Variants in OR2G6 observed in about 807,000 individuals in gnomAD.
OR2G6 encodes olfactory receptor family 2 subfamily G member 6.
For missense variants in OR2G6, 457 were observed against 391.3 expected (o/e 1.17, Z -1.42); for synonymous variants, 183 against 155.2 (o/e 1.18, Z -1.33).
intron 1 of OR2G6, among the ~76,000 whole-genome samples, chr1:248,508,926 T>A (rs1210886829): frequency 2.3e-5 from 3 of 130,184 alleles, no homozygotes; most frequent in African/African-American, 9.7e-5. Context: ...GAAGACTGAC[T>A]TTTTTTTCCA....
In OR2G6 at chr1:248,521,694, A is replaced by AT. The variant is rs750752528; in HGVS notation, c.52dup (p.Ser18PhefsTer70). ...CTGAAAAGGGATTTCTTCTCCTGGG[A>AT]TTTTCAGATCAGCCTCAGCTAGAGA... is the stretch of plus-strand genomic sequence containing the variant. On this transcript the variant is annotated frameshift_variant, in exon 2 of 2. Coordinates refer to ENST00000641804, the MANE Select transcript of OR2G6 (RefSeq NM_001013355.2). LOFTEE classifies it low-confidence loss of function (END_TRUNC). 6.2e-7 allele frequency: 1 copy of AT among 1,614,018 alleles called. No individual in the cohort carries two copies. The highest frequency in any genetic ancestry group is 1.1e-5 in the South Asian group (1 of 91,032).
chr1:248,519,816 C>T (rs1184654064), intron 1 of OR2G6, among the ~76,000 whole-genome samples: 1 of 151,934 alleles, frequency 6.6e-6, no homozygotes. Context: ...GCTATATGGC[C>T]TTTTTTTGGT....
Position 248,523,083 on chromosome 1 carries a change from CATA to C in OR2G6, c.*490_*492del, listed in dbSNP as rs1193038174. On this transcript the variant is annotated 3_prime_UTR_variant, in exon 2 of 2. Coordinates refer to ENST00000641804, the MANE Select transcript of OR2G6 (RefSeq NM_001013355.2). ...CATCCTTGTGCAGAATTAACTGTTT[CATA>C]ATATGTTTCCATAGCACTTGATCCA... is the stretch of plus-strand genomic sequence containing the variant. The C allele has an allele frequency of 1.9e-5, 3 of 156,334 alleles. No individual in the cohort carries two copies. Among genetic ancestry groups the C allele is most frequent in the Admixed American group, 6.2e-5 (1 of 16,150 alleles). 9.7% of individuals were successfully genotyped at this position (156,334 alleles called of 1,614,324 possible).
chr1:248,526,041 A>G lies in OR2G6; in HGVS notation c.*3444A>G, dbSNP rs891328162. ...TCAAAAAAAAAAGAAAAAAATGTAT[A>G]TGTTATCACTTTGGTCTCATTTGAG... On this transcript the variant is annotated 3_prime_UTR_variant, in exon 2 of 2. Coordinates refer to ENST00000641804, the MANE Select transcript of OR2G6 (RefSeq NM_001013355.2). The G allele has an allele frequency of 6.6e-6, 1 of 152,052 alleles. No homozygotes were observed. Among genetic ancestry groups the G allele is most frequent in the Non-Finnish European group, 1.5e-5 (1 of 68,012 alleles). The allele number at this position is 152,052 out of a possible 1,614,324, so 9.4% of individuals were successfully genotyped here.
chr1:248,525,021 T>G lies in OR2G6; in HGVS notation c.*2424T>G, dbSNP rs1238870200. ...TCCTATGATATGGATATGTTTATAC[T>G]GCTTTTATAATCATCATACATGTAT... On this transcript the variant is annotated 3_prime_UTR_variant, in exon 2 of 2. Transcript: ENST00000641804. 6.6e-6 allele frequency: 1 copy of G among 152,178 alleles called. No individual in the cohort carries two copies. The highest frequency in any genetic ancestry group is 2.4e-5 in the African/African-American group (1 of 41,438). 9.4% of individuals were successfully genotyped at this position (152,178 alleles called of 1,614,324 possible). A position where few individuals can be genotyped will look rare whatever the true frequency, so the allele number is the denominator to read the frequency against.
In OR2G6 at chr1:248,519,987, T is replaced by C. The variant is rs187319168; in HGVS notation, c.-36-1624T>C. Among the ~76,000 whole-genome samples, 8 of 152,292 alleles carry C rather than the reference T, an allele frequency of 5.3e-5. No homozygotes were observed. In the East Asian group the frequency reaches 1.2e-3, roughly 22 times the overall value. On this transcript the variant is annotated intron_variant, in intron 1 of 1. Coordinates refer to ENST00000641804, the MANE Select transcript of OR2G6 (RefSeq NM_001013355.2). ...AAGTCACATGGACACATGTTTATTG[T>C]GGCACTATTCACAACAGCAAAGACT...
rs1664363051 is a variant in OR2G6 at position 248,524,912 on chromosome 1, C to T, written c.*2315C>T. 1 of 151,852 alleles carries T rather than the reference C, an allele frequency of 6.6e-6. No homozygotes were observed. Among genetic ancestry groups the T allele is most frequent in the South Asian group, 2.1e-4 (1 of 4,824 alleles). 9.4% of individuals were successfully genotyped at this position (151,852 alleles called of 1,614,324 possible). A position where few individuals can be genotyped will look rare whatever the true frequency, so the allele number is the denominator to read the frequency against. On this transcript the variant is annotated 3_prime_UTR_variant, in exon 2 of 2. Transcript: ENST00000641804. ...ATAGATATAACATAGGCAAAGCAAC[C>T]TAAAAAAACTACTTAACTGCAGATG...
At chr1:248,520,408 A>T (rs2103059939) in intron 1 of OR2G6, among the ~76,000 whole-genome samples, 1 of 151,970 alleles carries the variant, frequency 6.6e-6, no homozygotes, top group East Asian at 1.9e-4. Context: ...TGTACCCTAG[A>T]ACTTATAGTT....
In OR2G6 at chr1:248,521,704, C is replaced by T. The variant is rs997307850; in HGVS notation, c.58C>T (p.Gln20Ter). 2 of 1,614,004 alleles carry T rather than the reference C, an allele frequency of 1.2e-6. No homozygotes were observed. The highest frequency in any genetic ancestry group is 1.7e-6 in the Non-Finnish European group (2 of 1,180,024). Residue 20 changes from glutamine to a stop codon, truncating the protein, a stop_gained, in exon 2 of 2, where the codon CAG becomes TAG. Transcript: ENST00000641804. LOFTEE classifies it low-confidence loss of function (END_TRUNC). ...ATTTCTTCTCCTGGGATTTTCAGAT[C>T]AGCCTCAGCTAGAGAGGTTTCTTTT... ...KGFLLLGFSD[Q>*]PQLERFLFAI...
intron 1 of OR2G6, among the ~76,000 whole-genome samples, chr1:248,520,217 T>G (rs1664253578): frequency 6.6e-6 from 1 of 152,074 alleles, no homozygotes; most frequent in African/African-American, 2.4e-5. Flanking sequence ...AAATGGGAGT[T>G]GAACAATAAG....
At position 248,523,501 on chromosome 1, in the gene OR2G6, CTTATGTAATT is replaced by C. The variant is rs1188197727; in HGVS notation, c.*909_*918del. On this transcript the variant is annotated 3_prime_UTR_variant, in exon 2 of 2. Transcript: ENST00000641804. ...GGCCTTAAACTCTGGAAAACAGTTACTTATGTAATTTTATACTTCAAAAATTTGAAATATG... is the reference window on the plus strand; with the variant it reads ...GGCCTTAAACTCTGGAAAACAGTTACTTATACTTCAAAAATTTGAAATATG... 9.9e-5 allele frequency: 15 copies of C among 152,240 alleles called. No homozygotes were observed. Among genetic ancestry groups the C allele is most frequent in the African/African-American group, 3.6e-4 (15 of 41,528 alleles). The allele number at this position is 152,240 out of a possible 1,614,324, so 9.4% of individuals were successfully genotyped here. A position where few individuals can be genotyped will look rare whatever the true frequency, so the allele number is the denominator to read the frequency against.
rs755271659 is a variant in OR2G6, at chr1:248,526,043, G to C, written c.*3446G>C. ...AAAAAAAAAAGAAAAAAATGTATAT[G>C]TTATCACTTTGGTCTCATTTGAGTA... On this transcript the variant is annotated 3_prime_UTR_variant, in exon 2 of 2. Transcript: ENST00000641804. 3 of 151,740 alleles carry C rather than the reference G, an allele frequency of 2.0e-5. No homozygotes were observed. The highest frequency in any genetic ancestry group is 4.4e-5 in the Non-Finnish European group (3 of 67,962). 9.4% of individuals were successfully genotyped at this position (151,740 alleles called of 1,614,324 possible). A position where few individuals can be genotyped will look rare whatever the true frequency, so the allele number is the denominator to read the frequency against.
Position 248,523,236 on chromosome 1 carries a change from T to G in OR2G6, c.*639T>G, listed in dbSNP as rs1664328164. On this transcript the variant is annotated 3_prime_UTR_variant, in exon 2 of 2. Coordinates refer to ENST00000641804, the MANE Select transcript of OR2G6 (RefSeq NM_001013355.2). ...TTTCCCAGAATATGTCACTTTTAAC[T>G]GGAGAATGGAACCATCCCACTCTAT... 1.3e-5 allele frequency: 2 copies of G among 152,190 alleles called. No homozygotes were observed. The highest frequency in any genetic ancestry group is 4.1e-4 in the South Asian group (2 of 4,832). 9.4% of individuals were successfully genotyped at this position (152,190 alleles called of 1,614,324 possible).
Position 248,526,497 on chromosome 1 carries a change from C to T in OR2G6, c.*3900C>T, listed in dbSNP as rs1192923061. The T allele has an allele frequency of 2.0e-5, 3 of 152,124 alleles. No individual in the cohort carries two copies. The highest frequency in any genetic ancestry group is 2.9e-5 in the Non-Finnish European group (2 of 68,038). The allele number at this position is 152,124 out of a possible 1,614,324, so 9.4% of individuals were successfully genotyped here. On this transcript the variant is annotated 3_prime_UTR_variant, in exon 2 of 2. Transcript: ENST00000641804. ...TTGACAAATAAAAAAAATGTTGAGC[C>T]CCAGTCTTAGGAAATCCTCCCTATA... is the stretch of plus-strand genomic sequence containing the variant.
In OR2G6 at chr1:248,521,689, C is replaced by G; in HGVS notation, c.43C>G (p.Leu15Val). The G allele has an allele frequency of 1.2e-6, 2 of 1,614,046 alleles. No homozygotes were observed. Among genetic ancestry groups the G allele is most frequent in the Non-Finnish European group, 1.7e-6 (2 of 1,180,000 alleles). Residue 15 changes from leucine to valine, a missense_variant, in exon 2 of 2, where the codon CTG becomes GTG. Leu to Val is a conservative substitution (Grantham distance 32, BLOSUM62 1). Transcript: ENST00000641804. ...CAGCTCTGAAAAGGGATTTCTTCTCCTGGGATTTTCAGATCAGCCTCAGCT... is the reference window on the plus strand; with the variant it reads ...CAGCTCTGAAAAGGGATTTCTTCTCGTGGGATTTTCAGATCAGCCTCAGCT... ...NNSSEKGFLLLGFSDQPQLER... is the reference protein window; with the variant it reads ...NNSSEKGFLLVGFSDQPQLER...
intron 1 of OR2G6, among the ~76,000 whole-genome samples, chr1:248,520,847 TAA>T (rs35946365): frequency 1.8e-4 from 18 of 102,094 alleles, no homozygotes; most frequent in African/African-American, 3.9e-4. Flanking sequence ...CCATCTCTAC[TAA>T]AAAAAAATAT....
In OR2G6 at chr1:248,522,279, G is replaced by A. The variant is rs1283593690; in HGVS notation, c.633G>A (p.Val211=). The A allele has an allele frequency of 2.5e-6, 4 of 1,614,138 alleles. No individual in the cohort carries two copies. In the South Asian group the frequency reaches 4.4e-5, roughly 18 times the overall value. ...VASVVFLIVP[V]LLILVSYGFI... Reference sequence around the variant, plus strand: ...GTGTAGTCTTTCTAATTGTCCCGGTGTTACTCATCTTAGTCTCCTATGGCT... The same window carrying A: ...GTGTAGTCTTTCTAATTGTCCCGGTATTACTCATCTTAGTCTCCTATGGCT... The change falls in exon 2 of 2, where the codon GTG becomes GTA. Residue 211 remains valine (V), a synonymous_variant. Coordinates refer to ENST00000641804, the MANE Select transcript of OR2G6 (RefSeq NM_001013355.2).
Position 248,522,830 on chromosome 1 carries a change from A to C in OR2G6, c.*233A>C, listed in dbSNP as rs1279028814. On this transcript the variant is annotated 3_prime_UTR_variant, in exon 2 of 2. Coordinates refer to ENST00000641804, the MANE Select transcript of OR2G6 (RefSeq NM_001013355.2). ...TTGGAATTCTAAAGAAGAGAAACAC[A>C]CCAAAGCAGCATGAGGGTTCATCCT... is the stretch of plus-strand genomic sequence containing the variant. The C allele has an allele frequency of 2.0e-6, 1 of 492,198 alleles. No individual in the cohort carries two copies. 30.5% of individuals were successfully genotyped at this position (492,198 alleles called of 1,614,324 possible).
rs943768775 is a variant in OR2G6 at position 248,522,791 on chromosome 1, G to T, written c.*194G>T. 26 of 557,586 alleles carry T rather than the reference G, an allele frequency of 4.7e-5. No homozygotes were observed. In the African/African-American group the frequency reaches 5.0e-4, roughly 11 times the overall value. 34.5% of individuals were successfully genotyped at this position (557,586 alleles called of 1,614,324 possible). ...TCCTCTTGTCAATCCCAAAGCCACA[G>T]GGACTAGGAAGCATTGGAATTCTAA... On this transcript the variant is annotated 3_prime_UTR_variant, in exon 2 of 2. Coordinates refer to ENST00000641804, the MANE Select transcript of OR2G6 (RefSeq NM_001013355.2).
Sources: allele counts gnomAD v4.1 joint callset (sites outside exome capture counted in the v4.1 genomes callset), GRCh38; gene constraint gnomAD v4.1.1; transcripts MANE v1.5; gene names NCBI Gene and HGNC (gene_info 2026-07-23, HGNC 2026-07-21).